Variants in DOCK3 observed in about 807,000 individuals in gnomAD.
The protein encoded by DOCK3 is dedicator of cytokinesis protein 3.
DOCK3 carries 60 observed loss-of-function variants against 265.6 expected under a neutral mutation model. The ratio of observed to expected loss-of-function variants is 0.23; its 90% CI spans 0.18 to 0.28. DOCK3 has a LOEUF of 0.28. Among genes scored for constraint, DOCK3 ranks in the 10% least tolerant of loss-of-function variants. The pLI is 1.00. For missense variants in DOCK3, 1,981 were observed against 2,594.3 expected, an observed-to-expected ratio of 0.76 and a Z score of 5.14; for synonymous variants, 881 against 938.0, an observed-to-expected ratio of 0.94 and a Z score of 1.11.
chr3:50,956,186 A>G (rs1001029347), intron 5 of DOCK3, among the ~76,000 whole-genome samples: 4 of 152,160 alleles, frequency 2.6e-5, no homozygotes, highest in Admixed American at 1.3e-4. Flanking sequence ...TCTGAACTTC[A>G]TATTTCATTT....
intron 4 of DOCK3, among the ~76,000 whole-genome samples, chr3:50,914,050 C>CTTATTTTATTTTATTTTATT (rs57972779): frequency 0.076 from 11,370 of 150,556 alleles, 591 homozygotes; most frequent in Non-Finnish European, 0.11. Context: ...TATTGTCTCT[C>CTTATTTTATTTTATTTTATT]TTATTTTATT....
chr3:51,260,601 G>GC (rs1300244967), intron 23 of DOCK3, among the ~76,000 whole-genome samples: 1 of 152,166 alleles, frequency 6.6e-6, no homozygotes. Flanking sequence ...AGTTTATTTA[G>GC]CTACCATACT....
intron 4 of DOCK3, among the ~76,000 whole-genome samples, chr3:50,932,272 T>C (rs66626892): frequency 0.094 from 14,357 of 152,268 alleles, 836 homozygotes; most frequent in Non-Finnish European, 0.12. Context: ...CATATATTCA[T>C]TGATGCTCAA....
intron 4 of DOCK3, among the ~76,000 whole-genome samples, chr3:50,919,204 G>C (rs1348053869): frequency 6.6e-6 from 1 of 152,166 alleles, no homozygotes; most frequent in East Asian, 1.9e-4. Context: ...GATGCTTCCA[G>C]CTTTGTTCTT....
At chr3:50,680,581 T>TCGTA (rs1374292035) in intron 1 of DOCK3, among the ~76,000 whole-genome samples, 7 of 148,418 alleles carry the variant, frequency 4.7e-5, no homozygotes, top group African/African-American at 1.7e-4. Flanking sequence ...TGCTATGGCA[T>TCGTA]GATCGTAGCT....
At chr3:51,199,517 A>G (rs1367878329) in intron 12 of DOCK3, among the ~76,000 whole-genome samples, 6 of 152,234 alleles carry the variant, frequency 3.9e-5, no homozygotes, top group East Asian at 1.9e-4. Flanking sequence ...GGCTTGTGTA[A>G]GTAAACAAAG....
chr3:50,840,128 T>TA (rs1418514660), intron 2 of DOCK3, among the ~76,000 whole-genome samples: 3 of 152,248 alleles, frequency 2.0e-5, no homozygotes, highest in African/African-American at 7.2e-5. Context: ...AACATTCCTT[T>TA]ATCAGATATG....
intron 28 of DOCK3, 57 bp downstream of exon 28, chr3:51,310,383 G>A: frequency 6.9e-7 from 1 of 1,438,920 alleles, no homozygotes; most frequent in South Asian, 1.2e-5. Flanking sequence ...ACTAAGAAGA[G>A]TATGTGTATT....
chr3:51,042,758 A>G (rs1263628757), intron 5 of DOCK3, among the ~76,000 whole-genome samples: 1 of 152,188 alleles, frequency 6.6e-6, no homozygotes, highest in Admixed American at 6.5e-5. Context: ...CAGGATACAC[A>G]ATCAATGTGC....
At chr3:51,342,048 C>T (rs548394852) in intron 38 of DOCK3, among the ~76,000 whole-genome samples, 31 of 152,270 alleles carry the variant, frequency 2.0e-4, no homozygotes, top group African/African-American at 6.7e-4. Context: ...CTTGTTGAAG[C>T]CATTTTCTCA....
intron 2 of DOCK3, among the ~76,000 whole-genome samples, chr3:50,802,010 A>C (rs2043098664): frequency 6.6e-6 from 1 of 152,156 alleles, no homozygotes. Flanking sequence ...AAGTATAGCT[A>C]TTCATGCTCA....
At chr3:51,080,775 G>C (rs904860907) in intron 7 of DOCK3, among the ~76,000 whole-genome samples, 5 of 152,100 alleles carry the variant, frequency 3.3e-5, no homozygotes, top group African/African-American at 1.2e-4. Context: ...AAATCTACTT[G>C]AGAAAAATGG....
chr3:51,326,593 T>C (rs200081584), intron 32 of DOCK3, among the ~76,000 whole-genome samples: 2,917 of 101,740 alleles, frequency 0.029, 73 homozygotes, highest in East Asian at 0.096. Context: ...TTTGTTGTTG[T>C]TGTTGTTGTT....
At position 51,357,567 on chromosome 3, in the gene DOCK3, G is replaced by A. The variant is rs921209127; in HGVS notation, c.4684-191G>A. 2.0e-5 allele frequency among the ~76,000 whole-genome samples: 3 copies of A among 152,152 alleles called. No individual in the cohort carries two copies. The South Asian group carries it at 6.2e-4, about 32-fold the overall frequency. ...ATCCAGACTTAGATGGCTTGGCCAC[G>A]TTCAGTCCTTCTCAGACAAAAAAAC... On this transcript the variant is annotated intron_variant, in intron 44 of 52. Coordinates refer to ENST00000266037, the MANE Select transcript of DOCK3 (RefSeq NM_004947.5).
At chr3:50,962,651 A>G (rs1351844058) in intron 5 of DOCK3, among the ~76,000 whole-genome samples, 1 of 152,210 alleles carries the variant, frequency 6.6e-6, no homozygotes, top group African/African-American at 2.4e-5. Context: ...TTACTAGGTA[A>G]GGAGATAATT....
At chr3:51,360,456 C>T in intron 46 of DOCK3, 55 bp from the exon 47 acceptor site, 1 of 1,565,110 alleles carries the variant, frequency 6.4e-7, no homozygotes, top group South Asian at 1.2e-5. Flanking sequence ...CCTCACATCC[C>T]TTAGTTACTT....
intron 4 of DOCK3, among the ~76,000 whole-genome samples, chr3:50,930,547 C>G (rs2051005734): frequency 6.6e-6 from 1 of 152,214 alleles, no homozygotes; most frequent in African/African-American, 2.4e-5. Context: ...GGGCCCCAGC[C>G]CAGGTCCTTG....
intron 2 of DOCK3, among the ~76,000 whole-genome samples, chr3:50,806,308 A>T (rs1338688968): frequency 6.6e-6 from 1 of 151,850 alleles, no homozygotes; most frequent in Non-Finnish European, 1.5e-5. Context: ...TTTCACATCC[A>T]AGAGTTGAGC....
chr3:50,813,948 A>G (rs1244744674), intron 2 of DOCK3, among the ~76,000 whole-genome samples: 1 of 152,194 alleles, frequency 6.6e-6, no homozygotes, highest in Non-Finnish European at 1.5e-5. Flanking sequence ...TAAACAGTGC[A>G]TAAGAATAGT....
Sources: allele counts gnomAD v4.1 joint callset (sites outside exome capture counted in the v4.1 genomes callset), GRCh38; gene constraint gnomAD v4.1.1; transcripts MANE v1.5; gene names NCBI Gene and HGNC (gene_info 2026-07-23, HGNC 2026-07-21).